Variants in PARD3 observed in about 807,000 individuals in gnomAD.
PARD3 encodes the protein partitioning defective 3 homolog.
PARD3 carries 75 observed loss-of-function variants against 155.4 expected under a neutral mutation model. The observed-to-expected ratio is 0.48, with a 90% CI of 0.40 to 0.58. PARD3 has a LOEUF of 0.58. Ranked by LOEUF, PARD3 falls within the 20% of genes least tolerant of loss-of-function variation. The pLI, the probability that PARD3 is intolerant of heterozygous loss-of-function variation, is 0.00. For synonymous variants in PARD3, 576 were observed against 610.5 expected (o/e 0.94, Z 0.83); for missense variants, 1,642 against 1,721.7 (o/e 0.95, Z 0.82).
rs546912343 is a variant in PARD3, at chr10:34,808,998, C to T, written c.120+5878G>A. 1.0e-3 allele frequency among the ~76,000 whole-genome samples: 158 copies of T among 152,302 alleles called. 1 individual carries two copies. The highest frequency in any genetic ancestry group is 3.7e-3 in the African/African-American group (153 of 41,574). On this transcript the variant is annotated intron_variant, in intron 1 of 24. Transcript: ENST00000374788. ...AGCCCTGGCCACCTGCCTTGAACCT[C>T]GCCCAAGGCGAATCCCAGGAGGGTC...
chr10:34,511,448 AG>A (rs1278773066), intron 3 of PARD3, among the ~76,000 whole-genome samples: 1 of 152,172 alleles, frequency 6.6e-6, no homozygotes, highest in African/African-American at 2.4e-5. Flanking sequence ...GGAGCCCAAG[AG>A]GTCCAAGATC....
chr10:34,148,128 A>G (rs1050130896), intron 22 of PARD3, among the ~76,000 whole-genome samples: 4 of 152,202 alleles, frequency 2.6e-5, no homozygotes, highest in Non-Finnish European at 4.4e-5. Context: ...TGACAAACAC[A>G]CTGACATACA....
At chr10:34,152,011 T>C (rs6481892) in intron 22 of PARD3, among the ~76,000 whole-genome samples, 29,476 of 152,188 alleles carry the variant, frequency 0.19, 3,547 homozygotes, top group Middle Eastern at 0.38. Flanking sequence ...CTAAATATTA[T>C]AATACTTTTG....
At chr10:34,588,107 C>T (rs571082545) in intron 2 of PARD3, among the ~76,000 whole-genome samples, 3 of 152,304 alleles carry the variant, frequency 2.0e-5, no homozygotes, top group South Asian at 4.1e-4. Context: ...ATGCCAGGCA[C>T]CTTGCTAGCC....
chr10:34,678,876 TTCTGAAGTGGCTC>T (rs1266232313), intron 2 of PARD3, among the ~76,000 whole-genome samples: 1 of 151,876 alleles, frequency 6.6e-6, no homozygotes, highest in African/African-American at 2.4e-5. Flanking sequence ...TTTTGCTGAC[TTCTGAAGTGGCTC>T]TCTTGAGGTT....
In PARD3 at chr10:34,745,243, G is replaced by A. The variant is rs190588659; in HGVS notation, c.121-48824C>T. On this transcript the variant is annotated intron_variant, in intron 1 of 24. Coordinates refer to ENST00000374788, the MANE Select transcript of PARD3 (RefSeq NM_001184785.2). ...CCAGGCTTGGTAGCATGAGCCTGTAGTCCCAGATATTCGGAGGCTGAGGTA... is the reference window on the plus strand; with the variant it reads ...CCAGGCTTGGTAGCATGAGCCTGTAATCCCAGATATTCGGAGGCTGAGGTA... Among the ~76,000 whole-genome samples the A allele has an allele frequency of 3.3e-4, 50 of 152,210 alleles. 1 individual carries two copies. The East Asian group carries it at 8.3e-3, about 25-fold the overall frequency.
At chr10:34,371,653 ATG>A (rs1340555320) in intron 12 of PARD3, among the ~76,000 whole-genome samples, 2 of 151,980 alleles carry the variant, frequency 1.3e-5, no homozygotes, top group Non-Finnish European at 2.9e-5. Flanking sequence ...TTAGTCAACA[ATG>A]TAAAAATTTT....
At chr10:34,158,464 G>T (rs568247272) in intron 22 of PARD3, among the ~76,000 whole-genome samples, 1 of 152,174 alleles carries the variant, frequency 6.6e-6, no homozygotes, top group African/African-American at 2.4e-5. Flanking sequence ...TAAGGCTAGG[G>T]TGAAAGCTAA....
Position 34,109,994 on chromosome 10 carries a change from T to TC in PARD3, c.*1174dup, listed in dbSNP as rs1449553775. ...TGAAGGAAGATGGGAGCCACCGAGA[T>TC]CCCCGAGACCCACACACACACTCTA... On this transcript the variant is annotated 3_prime_UTR_variant, in exon 25 of 25. Coordinates refer to ENST00000374788, the MANE Select transcript of PARD3 (RefSeq NM_001184785.2). The TC allele has an allele frequency of 7.8e-6, 1 of 127,546 alleles. No individual in the cohort carries two copies. The highest frequency in any genetic ancestry group is 2.4e-4 in the East Asian group (1 of 4,238). The allele number at this position is 127,546 out of a possible 1,614,324, so 7.9% of individuals were successfully genotyped here. A position where few individuals can be genotyped will look rare whatever the true frequency, so the allele number is the denominator to read the frequency against.
intron 2 of PARD3, among the ~76,000 whole-genome samples, chr10:34,542,223 GTGTGTGTGTGT>G (rs1235207668): frequency 0.016 from 66 of 4,238 alleles, 1 homozygote; most frequent in Non-Finnish European, 0.076. Context: ...GTGTGTGTGT[GTGTGTGTGTGT>G]GTGTGCACAC....
intron 1 of PARD3, among the ~76,000 whole-genome samples, chr10:34,743,442 C>A (rs888743141): frequency 6.6e-6 from 1 of 152,194 alleles, no homozygotes; most frequent in Non-Finnish European, 1.5e-5. Flanking sequence ...CGCATCTATC[C>A]TAATAGGACT....
intron 17 of PARD3, 41 bp from the exon 18 acceptor site, chr10:34,336,284 C>A: frequency 6.8e-7 from 1 of 1,477,776 alleles, no homozygotes; most frequent in South Asian, 1.2e-5. Context: ...CCAGTTAGTT[C>A]CCATAGCCCA....
At chr10:34,597,732 C>G (rs1028780905) in intron 2 of PARD3, among the ~76,000 whole-genome samples, 3 of 150,902 alleles carry the variant, frequency 2.0e-5, no homozygotes, top group African/African-American at 7.4e-5. Flanking sequence ...ACGTGGAGAT[C>G]GGAAGAGGAG....
At chr10:34,787,311 G>A (rs1407295320) in intron 1 of PARD3, among the ~76,000 whole-genome samples, 4 of 152,132 alleles carry the variant, frequency 2.6e-5, no homozygotes, top group Non-Finnish European at 4.4e-5. Flanking sequence ...CCCAGGAGGC[G>A]AAGGTTGCAG....
intron 5 of PARD3, among the ~76,000 whole-genome samples, chr10:34,448,904 G>C (rs941999971): frequency 2.7e-5 from 4 of 150,492 alleles, no homozygotes; most frequent in Admixed American, 6.6e-5. Flanking sequence ...TATGTAATGT[G>C]ATGGATAAAT....
chr10:34,409,662 G>C (rs143830656), intron 5 of PARD3, among the ~76,000 whole-genome samples: 3 of 152,296 alleles, frequency 2.0e-5, no homozygotes, highest in Non-Finnish European at 4.4e-5. Flanking sequence ...CCACACACTA[G>C]TGACCAAGTG....
At chr10:34,416,873 C>T (rs1845728466) in intron 5 of PARD3, among the ~76,000 whole-genome samples, 1 of 152,228 alleles carries the variant, frequency 6.6e-6, no homozygotes, top group Admixed American at 6.5e-5. Flanking sequence ...AGGAATCTGA[C>T]ATACTTGACT....
intron 1 of PARD3, among the ~76,000 whole-genome samples, chr10:34,805,052 C>T (rs770945679): frequency 6.6e-5 from 10 of 152,080 alleles, no homozygotes; most frequent in Admixed American, 1.3e-4. Flanking sequence ...TAAAGGGATG[C>T]GGTACAATCA....
intron 2 of PARD3, among the ~76,000 whole-genome samples, chr10:34,540,781 C>T (rs1285352986): frequency 1.3e-5 from 2 of 151,984 alleles, no homozygotes; most frequent in Admixed American, 6.6e-5. Flanking sequence ...GATCCTGTCT[C>T]GGAGGGGACC....
Sources: allele counts gnomAD v4.1 joint callset (sites outside exome capture counted in the v4.1 genomes callset), GRCh38; gene constraint gnomAD v4.1.1; transcripts MANE v1.5; gene names NCBI Gene and HGNC (gene_info 2026-07-23, HGNC 2026-07-21).